Variants in ADGRL2 observed in about 807,000 individuals in gnomAD.
The protein encoded by ADGRL2 is adhesion G protein-coupled receptor L2.
In ADGRL2, 44 loss-of-function variants were observed where a neutral mutation model predicts 157.4. The observed-to-expected ratio is 0.28, with a 90% CI of 0.22 to 0.36. The LOEUF is 0.36. ADGRL2 is among the 10% of genes least tolerant of loss of function. ADGRL2 has a pLI of 1.00. For missense variants in ADGRL2, 1,510 were observed against 1,768.9 expected, an observed-to-expected ratio of 0.85 and a Z score of 2.63; for synonymous variants, 585 against 624.7, an observed-to-expected ratio of 0.94 and a Z score of 0.95.
intron 2 of ADGRL2, among the ~76,000 whole-genome samples, chr1:81,879,069 C>T (rs2093917564): frequency 6.6e-6 from 1 of 152,106 alleles, no homozygotes; most frequent in South Asian, 2.1e-4. Flanking sequence ...TATCTTCTTC[C>T]TTTACCCCTT....
At chr1:81,964,295 T>C (rs4970653) in intron 11 of ADGRL2, among the ~76,000 whole-genome samples, 94,005 of 151,842 alleles carry the variant, frequency 0.62, 29,459 homozygotes, top group East Asian at 0.74. Flanking sequence ...TATTCTTCTT[T>C]CATCCTGTCT....
intron 3 of ADGRL2, among the ~76,000 whole-genome samples, chr1:81,615,866 A>G (rs11163338): frequency 0.34 from 51,533 of 152,054 alleles, 9,006 homozygotes; most frequent in South Asian, 0.4. Context: ...ACAGTTTTTT[A>G]TACTTTAATA....
chr1:81,736,741 G>A (rs1354710295), intron 1 of ADGRL2, among the ~76,000 whole-genome samples: 2 of 152,202 alleles, frequency 1.3e-5, no homozygotes, highest in Admixed American at 1.3e-4. Context: ...GATGAGGAAT[G>A]AGGACAGAGA....
intron 1 of ADGRL2, among the ~76,000 whole-genome samples, chr1:81,315,848 TAAAC>T (rs1660070484): frequency 6.6e-6 from 1 of 151,992 alleles, no homozygotes; most frequent in Non-Finnish European, 1.5e-5. Context: ...CAATTGAAAA[TAAAC>T]AAATGCTAAG....
Position 81,426,172 on chromosome 1 carries a change from G to A in ADGRL2, c.-301-18864G>A, listed in dbSNP as rs541682718. ...ATGTAGAATTATGGTTGGACAATAG[G>A]GTGGTTTGACCTAATGATAAACTGG... is the stretch of plus-strand genomic sequence containing the variant. On this transcript the variant is annotated intron_variant, in intron 1 of 24. Transcript: ENST00000370721. Among the ~76,000 whole-genome samples the A allele has an allele frequency of 3.3e-5, 5 of 152,288 alleles. No homozygotes were observed. The East Asian group carries it at 7.7e-4, about 24-fold the overall frequency.
chr1:81,644,725 G>A (rs2082281383), intron 3 of ADGRL2, among the ~76,000 whole-genome samples: 1 of 152,148 alleles, frequency 6.6e-6, no homozygotes, highest in African/African-American at 2.4e-5. Context: ...GATGTATCAA[G>A]GTAGGTTCAT....
chr1:81,523,558 G>A (rs949786656), intron 2 of ADGRL2, among the ~76,000 whole-genome samples: 2 of 152,004 alleles, frequency 1.3e-5, no homozygotes, highest in Non-Finnish European at 2.9e-5. Flanking sequence ...CTATCTCATA[G>A]AAAAGAAAAT....
chr1:81,664,901 T>C (rs1409200837), intron 3 of ADGRL2, among the ~76,000 whole-genome samples: 1 of 152,158 alleles, frequency 6.6e-6, no homozygotes, highest in East Asian at 1.9e-4. Context: ...TATTCATTTA[T>C]TTTATATATA....
At chr1:81,699,332 G>T (rs1258134830), upstream of ADGRL2, among the ~76,000 whole-genome samples, 1 of 152,204 alleles carries the variant, frequency 6.6e-6, no homozygotes, top group Admixed American at 6.5e-5. Flanking sequence ...GAACAGCCCA[G>T]TCCTGCTCAC....
chr1:81,598,133 A>G (rs1433047561), intron 3 of ADGRL2, among the ~76,000 whole-genome samples: 1 of 152,194 alleles, frequency 6.6e-6, no homozygotes, highest in African/African-American at 2.4e-5. Context: ...TCACTCCCAG[A>G]GTCACAGATG....
intron 3 of ADGRL2, among the ~76,000 whole-genome samples, chr1:81,582,089 G>A (rs1052046674): frequency 2.6e-5 from 4 of 151,946 alleles, no homozygotes; most frequent in Admixed American, 6.6e-5. Context: ...GCGTGGTGGC[G>A]CATACCTGTA....
At chr1:81,460,439 C>T (rs2077902754) in intron 2 of ADGRL2, among the ~76,000 whole-genome samples, 1 of 151,942 alleles carries the variant, frequency 6.6e-6, no homozygotes, top group South Asian at 2.1e-4. Flanking sequence ...TTAAGAAAAA[C>T]TTATGAATTG....
At chr1:81,619,194 G>A (rs532811373) in intron 3 of ADGRL2, among the ~76,000 whole-genome samples, 1 of 151,864 alleles carries the variant, frequency 6.6e-6, no homozygotes, top group Non-Finnish European at 1.5e-5. Flanking sequence ...TCAGCACCTT[G>A]ATATACATGC....
intron 6 of ADGRL2, among the ~76,000 whole-genome samples, chr1:81,945,282 G>A (rs1011987449): frequency 1.3e-5 from 2 of 151,992 alleles, no homozygotes; most frequent in African/African-American, 4.8e-5. Flanking sequence ...GCAAACTTAA[G>A]GCATTGACAG....
At chr1:81,444,463 C>A (rs1339885545) in intron 1 of ADGRL2, among the ~76,000 whole-genome samples, 1 of 152,136 alleles carries the variant, frequency 6.6e-6, no homozygotes, top group Non-Finnish European at 1.5e-5. Context: ...TTGGTATATT[C>A]ATTTATTCTG....
At chr1:81,931,024 C>T (rs1048704792) in intron 3 of ADGRL2, among the ~76,000 whole-genome samples, 1 of 152,144 alleles carries the variant, frequency 6.6e-6, no homozygotes, top group African/African-American at 2.4e-5. Context: ...TGGCACATTC[C>T]TGTAGTCCCA....
intron 2 of ADGRL2, among the ~76,000 whole-genome samples, chr1:81,472,254 A>AT (rs2078186285): frequency 6.6e-6 from 1 of 152,180 alleles, no homozygotes; most frequent in Admixed American, 6.5e-5. Context: ...TTCTCTAGAT[A>AT]TTTATCATTG....
At chr1:81,345,142 C>G (rs955340425) in intron 1 of ADGRL2, among the ~76,000 whole-genome samples, 8 of 152,188 alleles carry the variant, frequency 5.3e-5, no homozygotes, top group African/African-American at 1.9e-4. Context: ...AGAGGAAGAA[C>G]CAGTGGAAAC....
intron 2 of ADGRL2, among the ~76,000 whole-genome samples, chr1:81,839,682 C>T (rs2092456120): frequency 6.6e-6 from 1 of 151,260 alleles, no homozygotes; most frequent in African/African-American, 2.4e-5. Context: ...TCTCCAGTCT[C>T]ATCCAGGTCA....
Sources: gnomAD v4.1 joint callset for allele counts (sites outside exome capture counted in the v4.1 genomes callset) on GRCh38, gnomAD v4.1.1 for gene constraint, MANE v1.5 for transcripts, NCBI Gene and HGNC (gene_info 2026-07-23, HGNC 2026-07-21) for gene names.